The following CXXC5 variants were observed in gnomAD, a reference collection of about 807,000 sequenced individuals.
CXXC5 encodes the protein CXXC-type zinc finger protein 5.
A neutral mutation model predicts 17.6 loss-of-function variants in CXXC5; 2 were observed. That is an observed-to-expected ratio of 0.11 (90% confidence interval 0.05 to 0.36). The LOEUF is 0.36. Among genes scored for constraint, CXXC5 ranks in the 10% least tolerant of loss-of-function variants. The pLI is 1.00. For missense variants in CXXC5, 343 were observed against 458.3 expected (o/e 0.75, Z 2.30); for synonymous variants, 171 against 193.0 (o/e 0.89, Z 0.94).
rs377353681 is a variant in CXXC5, at chr5:139,681,219, G to C, written c.696G>C (p.Glu232Asp). Residue 232 changes from glutamate (E) to aspartate (D), a missense_variant, in exon 2 of 3, where the codon GAG becomes GAC. By Grantham distance (45) the Glu-to-Asp change is conservative. Around this residue, in one of 4 missense-constraint regions of CXXC5, gnomAD observed 297 missense variants for 363.4 expected, o/e 0.82. Transcript: ENST00000302517. ...IMTPAGVFLA[E>D]SALHMAGLAE... ...CCCCGGCAGGTGTGTTCCTGGCCGAGAGCGCGCTGCACATGGCGGGCCTGG... is the reference window on the plus strand; with the variant it reads ...CCCCGGCAGGTGTGTTCCTGGCCGACAGCGCGCTGCACATGGCGGGCCTGG... 2.5e-6 allele frequency: 4 copies of C among 1,612,614 alleles called. No homozygotes were observed. The South Asian group carries it at 3.3e-5, about 13-fold the overall frequency.
intron 1 of CXXC5, among the ~76,000 whole-genome samples, chr5:139,673,543 A>G (rs773306481): frequency 2.6e-5 from 4 of 152,192 alleles, no homozygotes; most frequent in Non-Finnish European, 1.5e-5. Context: ...GGAGCACCGT[A>G]AAACAGAACA....
intron 1 of CXXC5, among the ~76,000 whole-genome samples, chr5:139,678,766 G>C (rs959989458): frequency 6.6e-6 from 1 of 152,204 alleles, no homozygotes. Context: ...GATCCAGTGT[G>C]TGCTGCCCTC....
rs1169890429 is a variant in CXXC5, at chr5:139,683,689, G to C, written c.*782G>C. 6.6e-6 allele frequency: 1 copy of C among 152,442 alleles called. No homozygotes were observed. Among genetic ancestry groups the C allele is most frequent in the African/African-American group, 2.4e-5 (1 of 41,410 alleles). The allele number at this position is 152,442 out of a possible 1,614,324, so 9.4% of individuals were successfully genotyped here. A position where few individuals can be genotyped will look rare whatever the true frequency, so the allele number is the denominator to read the frequency against. On this transcript the variant is annotated 3_prime_UTR_variant, in exon 3 of 3. Coordinates refer to ENST00000302517, the MANE Select transcript of CXXC5 (RefSeq NM_016463.9). Reference sequence around the variant, plus strand: ...AGAGAAAATAAGTCCTTTTTTTCTGGCCTTGCTAATGGCAACAGAAGAAAG... The same window carrying C: ...AGAGAAAATAAGTCCTTTTTTTCTGCCCTTGCTAATGGCAACAGAAGAAAG...
At position 139,680,752 on chromosome 5, in the gene CXXC5, C is replaced by T. The variant is rs1210969453; in HGVS notation, c.229C>T (p.Arg77Cys). The T allele has an allele frequency of 1.2e-6, 2 of 1,613,606 alleles. No homozygotes were observed. Among genetic ancestry groups the T allele is most frequent in the South Asian group, 1.1e-5 (1 of 91,092 alleles). The change falls in exon 2 of 3, where the codon CGC becomes TGC. Residue 77 changes from arginine to cysteine, a missense_variant. Around this residue, in one of 4 missense-constraint regions of CXXC5, gnomAD observed 297 missense variants for 363.4 expected, o/e 0.82. Coordinates refer to ENST00000302517, the MANE Select transcript of CXXC5 (RefSeq NM_016463.9). ...CCTCAACAAGAGCCTGCGCCGCTCC[C>T]GCCCGCTCTCCCACTACTCTTCTTT... Reference protein sequence around the residue: ...EPLNKSLRRSRPLSHYSSFGS... With the variant: ...EPLNKSLRRSCPLSHYSSFGS...
At chr5:139,653,694 A>G (rs356447) in intron 1 of CXXC5, among the ~76,000 whole-genome samples, 13,056 of 152,156 alleles carry the variant, frequency 0.086, 769 homozygotes, top group African/African-American at 0.17. Flanking sequence ...GACTGGGCCA[A>G]GTCACCTGGG....
Position 139,680,940 on chromosome 5 carries a change from T to A in CXXC5, c.417T>A (p.Gly139=), listed in dbSNP as rs544140536. The change falls in exon 2 of 3, where the codon GGT becomes GGA. Residue 139 remains glycine (G), a synonymous_variant. Coordinates refer to ENST00000302517, the MANE Select transcript of CXXC5 (RefSeq NM_016463.9). ...ACCCTACCTCAAAGCACAAAAGTGG[T>A]GCTGTGGCCAGCCTGCTGAGCAAGG... ...KSNPTSKHKS[G]AVASLLSKAE... The A allele has an allele frequency of 6.2e-7, 1 of 1,601,760 alleles. No homozygotes were observed. The highest frequency in any genetic ancestry group is 1.1e-5 in the South Asian group (1 of 91,086).
At chr5:139,649,065 CG>C (rs1199830424) in intron 1 of CXXC5, 1 of 152,268 alleles carries the variant, frequency 6.6e-6, no homozygotes, top group Non-Finnish European at 1.5e-5. Flanking sequence ...GGGCGGGGGG[CG>C]CCCGCACCGT....
intron 1 of CXXC5, among the ~76,000 whole-genome samples, chr5:139,652,176 G>A (rs1046719500): frequency 2.0e-5 from 3 of 150,610 alleles, no homozygotes; most frequent in African/African-American, 4.9e-5. Context: ...GCGCGCGTGT[G>A]TGTGTGTGTG....
At chr5:139,678,106 C>G (rs1049632418) in intron 1 of CXXC5, among the ~76,000 whole-genome samples, 1 of 152,244 alleles carries the variant, frequency 6.6e-6, no homozygotes, top group African/African-American at 2.4e-5. Context: ...CTCCCCTCAC[C>G]CAGTATCTGG....
In CXXC5 at chr5:139,661,200, T is replaced by C. The variant is rs1001542469; in HGVS notation, c.-161+12355T>C. ...CGCCGCCCCCCCACCTCTTGCGCTGTCGGCCATCAGCCCAGCAGAGCAGGG... is the reference window on the plus strand; with the variant it reads ...CGCCGCCCCCCCACCTCTTGCGCTGCCGGCCATCAGCCCAGCAGAGCAGGG... On this transcript the variant is annotated intron_variant, in intron 1 of 2. Transcript: ENST00000302517. The surrounding 1 kb of genome is among the most constrained non-coding windows in gnomAD (Gnocchi z 4.7). 6.6e-6 allele frequency among the ~76,000 whole-genome samples: 1 copy of C among 152,178 alleles called. No individual in the cohort carries two copies. Among genetic ancestry groups the C allele is most frequent in the African/African-American group, 2.4e-5 (1 of 41,434 alleles).
At chr5:139,666,226 C>T (rs1283078734) in intron 1 of CXXC5, among the ~76,000 whole-genome samples, 2 of 152,134 alleles carry the variant, frequency 1.3e-5, no homozygotes, top group Non-Finnish European at 2.9e-5. Context: ...ATCCCATGGG[C>T]GGCCTCCTCC....
chr5:139,656,922 T>C (rs910506640), intron 1 of CXXC5, among the ~76,000 whole-genome samples: 10 of 152,064 alleles, frequency 6.6e-5, no homozygotes, highest in Non-Finnish European at 1.3e-4. Context: ...ATGGGGTTTC[T>C]CCATGTTGGC....
At chr5:139,680,125 T>A (rs1757093652) in intron 1 of CXXC5, among the ~76,000 whole-genome samples, 1 of 152,234 alleles carries the variant, frequency 6.6e-6, no homozygotes, top group African/African-American at 2.4e-5. Context: ...GTAGTTCTCC[T>A]AAATCTTGTT....
chr5:139,665,715 A>T (rs1021459371), intron 1 of CXXC5: 6 of 152,268 alleles, frequency 3.9e-5, no homozygotes, highest in African/African-American at 1.4e-4. Context: ...AGTCTTGCTG[A>T]CGTCAGTGCT....
intron 1 of CXXC5, among the ~76,000 whole-genome samples, chr5:139,669,884 AC>A (rs1756353390): frequency 2.0e-5 from 3 of 151,716 alleles, no homozygotes; most frequent in African/African-American, 4.8e-5. Context: ...TTGCCTCCAG[AC>A]CCCCCAACCC....
intron 1 of CXXC5, among the ~76,000 whole-genome samples, chr5:139,662,740 G>A (rs1006755355): frequency 1.3e-5 from 2 of 152,204 alleles, no homozygotes; most frequent in African/African-American, 2.4e-5. Context: ...CTGGATGCCC[G>A]TGCCGCGGAC....
In CXXC5 at chr5:139,680,535, C is replaced by T. The variant is rs372576434; in HGVS notation, c.12C>T (p.Leu4=). 43 of 1,560,444 alleles carry T rather than the reference C, an allele frequency of 2.8e-5. No individual in the cohort carries two copies. Among genetic ancestry groups the T allele is most frequent in the South Asian group, 3.5e-5 (3 of 85,858 alleles). Residue 4 remains leucine (L), a synonymous_variant, in exon 2 of 3, where the codon CTC becomes CTT. Coordinates refer to ENST00000302517, the MANE Select transcript of CXXC5 (RefSeq NM_016463.9). The part of the protein sequence containing the change: MSS[L]GGGSQDAGGS... ...GCCTCGGCCCCACCATGTCGAGCCT[C>T]GGCGGTGGCTCCCAGGATGCCGGCG...
At chr5:139,669,265 T>C (rs1270549520) in intron 1 of CXXC5, among the ~76,000 whole-genome samples, 2 of 152,210 alleles carry the variant, frequency 1.3e-5, no homozygotes, top group Non-Finnish European at 2.9e-5. Context: ...CCTGCCGTAA[T>C]GATTTTTTAA....
chr5:139,672,750 T>C (rs2126799017), intron 1 of CXXC5, among the ~76,000 whole-genome samples: 1 of 152,260 alleles, frequency 6.6e-6, no homozygotes, highest in East Asian at 1.9e-4. Flanking sequence ...TTCCTTTCCA[T>C]TTTACAAATG....
Sources: allele counts gnomAD v4.1 joint callset (sites outside exome capture counted in the v4.1 genomes callset), GRCh38; gene constraint gnomAD v4.1.1; regional missense constraint gnomAD v4.1.1; non-coding constraint Gnocchi (gnomAD v3.1); transcripts MANE v1.5; gene names NCBI Gene and HGNC (gene_info 2026-07-23, HGNC 2026-07-21).